Variants in TRPV4 observed in about 807,000 individuals in gnomAD.
The protein encoded by TRPV4 is transient receptor potential cation channel subfamily V member 4, also known as OSM9-like transient receptor potential channel 4.
Under a neutral mutation model 84.1 loss-of-function variants are expected in TRPV4, and 58 were observed. That is an observed-to-expected ratio of 0.69 (90% CI 0.56 to 0.86). The LOEUF (loss-of-function observed/expected upper bound fraction) is 0.86. Ranked by LOEUF, TRPV4 falls within the 40% of genes least tolerant of loss-of-function variation. TRPV4 has a pLI of 0.00. For missense variants in TRPV4, 879 were observed against 1,181.1 expected (o/e 0.74, Z 3.75); for synonymous variants, 489 against 500.9 (o/e 0.98, Z 0.32).
In TRPV4 at chr12:109,786,034, T is replaced by C. The variant is rs957790322; in HGVS notation, c.2336+676A>G. ...CAAACAAAAAATGGAATTGAACTGA[T>C]CGGATGGCCTAGGAGGTGGGTTCTA... is the stretch of plus-strand genomic sequence containing the variant. On this transcript the variant is annotated intron_variant, in intron 14 of 15. Coordinates refer to ENST00000261740, the MANE Select transcript of TRPV4 (RefSeq NM_021625.5). The surrounding 1 kb of genome is among the most constrained non-coding windows in gnomAD (Gnocchi z 4.5). Among the ~76,000 whole-genome samples the C allele has an allele frequency of 1.3e-5, 2 of 152,026 alleles. No individual in the cohort carries two copies. The highest frequency in any genetic ancestry group is 4.8e-5 in the African/African-American group (2 of 41,400).
At chr12:109,794,051 T>C (rs1383127166) in intron 8 of TRPV4, 29 bp from the exon 9 acceptor site, 1 of 1,564,550 alleles carries the variant, frequency 6.4e-7, no homozygotes, top group East Asian at 2.3e-5. Flanking sequence ...ACACAGGTCG[T>C]CACCCAGCCC....
At chr12:109,820,679 G>A (rs761682966) in intron 1 of TRPV4, among the ~76,000 whole-genome samples, 1 of 151,624 alleles carries the variant, frequency 6.6e-6, no homozygotes, top group Non-Finnish European at 1.5e-5. Context: ...CCGCCACCAC[G>A]CCCGGCTAAT....
intron 3 of TRPV4, among the ~76,000 whole-genome samples, chr12:109,807,263 T>C (rs111776885): frequency 0.14 from 19,468 of 138,694 alleles, 1,835 homozygotes; most frequent in African/African-American, 0.29. Context: ...GCAACAAGAA[T>C]GAAACTCTGT....
chr12:109,786,879 C>T lies in TRPV4; in HGVS notation c.2209-42G>A, dbSNP rs1307724840. 1 of 1,611,258 alleles carries T rather than the reference C, an allele frequency of 6.2e-7. No individual in the cohort carries two copies. Among genetic ancestry groups the T allele is most frequent in the Non-Finnish European group, 8.5e-7 (1 of 1,178,836 alleles). ...TCAGGAGGGACATCGGTGAGCCTCA[C>T]AGCCTGCGCCTGCCGCTCTGGTGGC... On this transcript the variant is annotated intron_variant, in intron 13 of 15. Coordinates refer to ENST00000261740, the MANE Select transcript of TRPV4 (RefSeq NM_021625.5). This position sits in a 1 kb window ranked among gnomAD's most constrained non-coding sequence, Gnocchi z 4.5.
At chr12:109,788,366 T>C (rs1889827124) in intron 13 of TRPV4, 34 bp downstream of exon 13, 1 of 1,599,844 alleles carries the variant, frequency 6.3e-7, no homozygotes, top group African/African-American at 1.3e-5. Context: ...CGAGGGTGGC[T>C]GGTAGAGTGG....
rs1358941634 is a variant in TRPV4 at position 109,812,895 on chromosome 12, T to C, written c.386+1516A>G. Among the ~76,000 whole-genome samples, 2 of 152,118 alleles carry C rather than the reference T, an allele frequency of 1.3e-5. 1 individual carries two copies. The highest frequency in any genetic ancestry group is 1.3e-4 in the Admixed American group (2 of 15,278). ...GTAGATGAGTAGATAGATATTTTAA[T>C]GAGTGGACAATGGATCTATAGATTG... On this transcript the variant is annotated intron_variant, in intron 2 of 15. Transcript: ENST00000261740.
At chr12:109,791,963 G>A (rs1890063429) in intron 12 of TRPV4, among the ~76,000 whole-genome samples, 1 of 151,640 alleles carries the variant, frequency 6.6e-6, no homozygotes, top group African/African-American at 2.4e-5. Flanking sequence ...AGGCGCGTTG[G>A]CTCACACCTG....
chr12:109,810,203 T>A (rs759146163), intron 2 of TRPV4, among the ~76,000 whole-genome samples: 3 of 152,240 alleles, frequency 2.0e-5, no homozygotes, highest in Non-Finnish European at 4.4e-5. Flanking sequence ...AGGGCCACCA[T>A]GAGGCAGGAA....
intron 5 of TRPV4, 90 bp downstream of exon 5, chr12:109,800,528 T>C (rs751323784): frequency 5.9e-6 from 9 of 1,520,466 alleles, no homozygotes; most frequent in Non-Finnish European, 8.1e-6. Flanking sequence ...GTCTGGGTGA[T>C]GGTCAGGGCT....
intron 6 of TRPV4, among the ~76,000 whole-genome samples, chr12:109,797,465 G>C (rs184446613): frequency 6.6e-6 from 1 of 150,826 alleles, no homozygotes; most frequent in African/African-American, 2.4e-5. Context: ...GGATTTTGGG[G>C]TTTTTTGAGA....
rs1163158768 is a variant in TRPV4 at position 109,798,884 on chromosome 12, G to A, written c.882C>T (p.Cys294=). 5.0e-6 allele frequency: 8 copies of A among 1,612,114 alleles called. No homozygotes were observed. The highest frequency in any genetic ancestry group is 6.8e-6 in the Non-Finnish European group (8 of 1,178,648). Residue 294 remains cysteine, a synonymous_variant, in exon 6 of 16, where the codon TGC becomes TGT. Coordinates refer to ENST00000261740, the MANE Select transcript of TRPV4 (RefSeq NM_021625.5). The surrounding 1 kb of genome is among the most constrained non-coding windows in gnomAD (Gnocchi z 5.0). ...AGTTGACAATGTGGGGCTGGTTGGT[G>A]CAGGCAGCCAGCGACAGGGGCAGCT... ...FGELPLSLAA[C]TNQPHIVNYL... is the part of the protein sequence containing the mutation.
chr12:109,811,524 C>T (rs929804033), intron 2 of TRPV4, among the ~76,000 whole-genome samples: 4 of 151,966 alleles, frequency 2.6e-5, no homozygotes, highest in African/African-American at 7.2e-5. Context: ...CGGTTGTGGT[C>T]GTGCACACCT....
intron 1 of TRPV4, among the ~76,000 whole-genome samples, chr12:109,822,884 C>G (rs1892145567): frequency 6.6e-6 from 1 of 152,218 alleles, no homozygotes; most frequent in African/African-American, 2.4e-5. Flanking sequence ...TCAAGCATGG[C>G]TGCTGTTGGA....
intron 1 of TRPV4, among the ~76,000 whole-genome samples, chr12:109,831,679 G>T (rs577466424): frequency 6.6e-6 from 1 of 152,314 alleles, no homozygotes; most frequent in Non-Finnish European, 1.5e-5. Flanking sequence ...AAGGTATCTG[G>T]GTTTCACCTG....
At chr12:109,784,500 C>T in intron 14 of TRPV4, 63 bp from the exon 15 acceptor site, 1 of 1,612,128 alleles carries the variant, frequency 6.2e-7, no homozygotes, top group Non-Finnish European at 8.5e-7. Flanking sequence ...TGCCACCATC[C>T]CCAGCACACC....
chr12:109,816,942 G>A (rs1348991830), intron 1 of TRPV4, among the ~76,000 whole-genome samples: 1 of 152,180 alleles, frequency 6.6e-6, no homozygotes, highest in Non-Finnish European at 1.5e-5. Flanking sequence ...GTCATTAGCC[G>A]TTTGACCATG....
At chr12:109,829,812 C>T (rs1230097286) in intron 1 of TRPV4, among the ~76,000 whole-genome samples, 2 of 152,206 alleles carry the variant, frequency 1.3e-5, no homozygotes, top group Non-Finnish European at 2.9e-5. Flanking sequence ...TAAGCCCAGG[C>T]CTGTCTGCAG....
intron 12 of TRPV4, among the ~76,000 whole-genome samples, 161 bp from the exon 13 acceptor site, chr12:109,788,877 C>A (rs1889866720): frequency 6.6e-6 from 1 of 152,254 alleles, no homozygotes; most frequent in Non-Finnish European, 1.5e-5. Context: ...CCAAGCCACA[C>A]CAGACCCAGG....
At chr12:109,799,392 G>A (rs981400413) in intron 5 of TRPV4, among the ~76,000 whole-genome samples, 1 of 152,136 alleles carries the variant, frequency 6.6e-6, no homozygotes, top group Non-Finnish European at 1.5e-5. Context: ...CAAGTGATCC[G>A]CCGACCTCGG....
Sources: allele counts gnomAD v4.1 joint callset (sites outside exome capture counted in the v4.1 genomes callset), GRCh38; gene constraint gnomAD v4.1.1; non-coding constraint Gnocchi (gnomAD v3.1); transcripts MANE v1.5; gene names NCBI Gene and HGNC (gene_info 2026-07-23, HGNC 2026-07-21).